The following CENPC variants were observed in gnomAD, a reference collection of about 807,000 sequenced individuals.
The protein encoded by CENPC is centromere protein C, also known as CENP-C 1.
In CENPC, 63 loss-of-function variants were observed where a neutral mutation model predicts 112.1. The observed-to-expected ratio is 0.56, with a 90% confidence interval of 0.46 to 0.69. CENPC has a LOEUF of 0.69. CENPC is among the 30% of genes least tolerant of loss of function. CENPC has a pLI of 0.00. For missense variants in CENPC, 1,000 were observed against 1,103.8 expected (o/e 0.91, Z 1.33); for synonymous variants, 333 against 367.6 (o/e 0.91, Z 1.08).
intron 17 of CENPC, among the ~76,000 whole-genome samples, chr4:67,487,978 TA>T (rs985673825): frequency 3.3e-5 from 5 of 151,462 alleles, no homozygotes; most frequent in African/African-American, 4.9e-5. Flanking sequence ...CGAGTCTTAT[TA>T]AAAAAAACTT....
chr4:67,521,344 G>A (rs548865119), intron 5 of CENPC, among the ~76,000 whole-genome samples: 71 of 151,638 alleles, frequency 4.7e-4, no homozygotes, highest in Non-Finnish European at 9.0e-4. Context: ...TGTAACAAAT[G>A]AAAAAGAAAC....
chr4:67,500,824 T>C (rs1725572445), intron 12 of CENPC, among the ~76,000 whole-genome samples: 1 of 152,160 alleles, frequency 6.6e-6, no homozygotes, highest in Admixed American at 6.5e-5. Context: ...GGTACCATCA[T>C]TAGTGGCTGA....
chr4:67,469,557 C>G lies in CENPC; in HGVS notation c.*3048G>C. 6.6e-6 allele frequency: 1 copy of G among 152,454 alleles called. No homozygotes were observed. The highest frequency in any genetic ancestry group is 1.5e-5 in the Non-Finnish European group (1 of 68,160). The allele number at this position is 152,454 out of a possible 1,614,324, so 9.4% of individuals were successfully genotyped here. ...ACGGGGTTTCACCATGTTAGCCAGGCTGGTCTCGAACTCCTGACCTCATGA... is the reference window on the plus strand; with the variant it reads ...ACGGGGTTTCACCATGTTAGCCAGGGTGGTCTCGAACTCCTGACCTCATGA... On this transcript the variant is annotated 3_prime_UTR_variant, in exon 19 of 19. Transcript: ENST00000273853.
Position 67,505,136 on chromosome 4 carries a change from AACATAGC to A in CENPC, c.2131+62_2131+68del, listed in dbSNP as rs1464505269. 88 of 1,114,562 alleles carry A rather than the reference AACATAGC, an allele frequency of 7.9e-5. 1 individual carries two copies. The highest frequency in any genetic ancestry group is 1.1e-4 in the Non-Finnish European group (84 of 767,514). 69.0% of individuals were successfully genotyped at this position (1,114,562 alleles called of 1,614,324 possible). A position where few individuals can be genotyped will look rare whatever the true frequency, so the allele number is the denominator to read the frequency against. ...TCGCCATCAGTGACAATGTAAACAA[AACATAGC>A]ACTCCTTACTCCATATTCATAATGC... On this transcript the variant is annotated intron_variant, in intron 12 of 18. Transcript: ENST00000273853.
At chr4:67,521,180 C>T (rs1030540316) in intron 5 of CENPC, among the ~76,000 whole-genome samples, 2 of 140,210 alleles carry the variant, frequency 1.4e-5, no homozygotes, top group African/African-American at 5.3e-5. Flanking sequence ...CAAAACAACT[C>T]GTCATACCAA....
Position 67,541,041 on chromosome 4 carries a change from G to A in CENPC, c.75C>T (p.Asp25=). 1.2e-6 allele frequency: 2 copies of A among 1,606,402 alleles called. No individual in the cohort carries two copies. The highest frequency in any genetic ancestry group is 1.7e-6 in the Non-Finnish European group (2 of 1,176,170). The change falls in exon 3 of 19, where the codon GAC becomes GAT. Residue 25 remains aspartate, a synonymous_variant. Coordinates refer to ENST00000273853, the MANE Select transcript of CENPC (RefSeq NM_001812.4). ...CATTCTGGCCTTGCTCTGTGTTAAT[G>A]TCACGTGCCCTAATAAAGGAAAAAT... ...RRFCRPSRAR[D]INTEQGQNVL... is the part of the protein sequence containing the mutation.
intron 13 of CENPC, 133 bp downstream of exon 13, chr4:67,495,026 T>G: frequency 1.1e-6 from 1 of 897,574 alleles, no homozygotes; most frequent in Non-Finnish European, 1.6e-6. Flanking sequence ...ACTAAGTGCA[T>G]AATTTTAATT....
In CENPC at chr4:67,545,376, G is replaced by C. The variant is rs1057077871; in HGVS notation, c.-21C>G. 2 of 1,521,690 alleles carry C rather than the reference G, an allele frequency of 1.3e-6. No homozygotes were observed. The highest frequency in any genetic ancestry group is 1.8e-6 in the Non-Finnish European group (2 of 1,131,156). The allele number at this position is 1,521,690 out of a possible 1,614,324, so 94.3% of individuals were successfully genotyped here. On this transcript the variant is annotated 5_prime_UTR_variant, in exon 1 of 19. Coordinates refer to ENST00000273853, the MANE Select transcript of CENPC (RefSeq NM_001812.4). ...GCCATGTTCCGGCCCCGCTGAGCCAGCGCAACTGTCTGAGGTGGAAGCCCA... is the reference window on the plus strand; with the variant it reads ...GCCATGTTCCGGCCCCGCTGAGCCACCGCAACTGTCTGAGGTGGAAGCCCA...
chr4:67,483,695 C>T (rs1317731009), intron 17 of CENPC, among the ~76,000 whole-genome samples: 1 of 151,828 alleles, frequency 6.6e-6, no homozygotes, highest in African/African-American at 2.4e-5. Context: ...TGTGGTAGTG[C>T]AAGACAGTGA....
intron 5 of CENPC, 71 bp downstream of exon 5, chr4:67,530,744 A>G (rs1726523374): frequency 1.5e-6 from 1 of 683,746 alleles, no homozygotes; most frequent in Non-Finnish European, 2.4e-6. Context: ...TCAAAGCAAC[A>G]CATGCACCAT....
chr4:67,484,155 T>C (rs1725025686), intron 17 of CENPC, among the ~76,000 whole-genome samples: 1 of 152,188 alleles, frequency 6.6e-6, no homozygotes, highest in African/African-American at 2.4e-5. Flanking sequence ...ACATTTTTAT[T>C]GTACTTTTTC....
rs1196892273 is a variant in CENPC, at chr4:67,512,561, T to C, written c.1453A>G (p.Lys485Glu). The change falls in exon 9 of 19, where the codon AAA (lysine) becomes GAA (glutamate). Residue 485 changes from lysine to glutamate, a missense_variant. Physicochemically the swap from Lys to Glu is moderately conservative, Grantham distance 56. Transcript: ENST00000273853. ...KKQMPPVGSK[K>E]SSTRKDKEES... is the part of the protein sequence containing the mutation. ...TCCTTATCTTTTCTAGTGCTACTTT[T>C]CTTGCTTCCTAAAATAAAGAAAACC... 22 of 1,512,066 alleles carry C rather than the reference T, an allele frequency of 1.5e-5. No homozygotes were observed. The highest frequency in any genetic ancestry group is 1.9e-5 in the Non-Finnish European group (22 of 1,135,182). The allele number at this position is 1,512,066 out of a possible 1,614,324, so 93.7% of individuals were successfully genotyped here. A position where few individuals can be genotyped will look rare whatever the true frequency, so the allele number is the denominator to read the frequency against.
chr4:67,490,858 AT>A lies in CENPC; in HGVS notation c.2516-738del, dbSNP rs1560422721. On this transcript the variant is annotated intron_variant, in intron 16 of 18. Coordinates refer to ENST00000273853, the MANE Select transcript of CENPC (RefSeq NM_001812.4). ...AATAAATATATATATATATATATAT[AT>A]ATATATATATATATATATAGAAATA... 7.0e-3 allele frequency among the ~76,000 whole-genome samples: 135 copies of A among 19,154 alleles called. 2 individuals carry two copies. Among genetic ancestry groups the A allele is most frequent in the African/African-American group, 0.014 (124 of 9,088 alleles). The allele number at this position is 19,154 out of a possible 152,430, so 12.6% of individuals were successfully genotyped here.
At chr4:67,542,617 T>C (rs1331117406) in intron 2 of CENPC, among the ~76,000 whole-genome samples, 1 of 152,182 alleles carries the variant, frequency 6.6e-6, no homozygotes, top group African/African-American at 2.4e-5. Context: ...AATTCTGATG[T>C]GCAAATCTAG....
In CENPC at chr4:67,477,331, T is replaced by C. The variant is rs142883731; in HGVS notation, c.2671-2353A>G. On this transcript the variant is annotated intron_variant, in intron 17 of 18. Transcript: ENST00000273853. ...CCCCTGCTACCTCCACTGGAGCAGCTGCTGAGATCCATGGCTGAGAGACCT... is the reference window on the plus strand; with the variant it reads ...CCCCTGCTACCTCCACTGGAGCAGCCGCTGAGATCCATGGCTGAGAGACCT... Among the ~76,000 whole-genome samples, 7 of 152,334 alleles carry C rather than the reference T, an allele frequency of 4.6e-5. 1 individual carries two copies. The East Asian group carries it at 7.7e-4, about 17-fold the overall frequency.
At chr4:67,486,957 T>A (rs1402434033) in intron 17 of CENPC, among the ~76,000 whole-genome samples, 5 of 145,068 alleles carry the variant, frequency 3.4e-5, no homozygotes, top group African/African-American at 5.1e-5. Flanking sequence ...AGGTTTTGTA[T>A]TTGCTTTTAG....
intron 17 of CENPC, among the ~76,000 whole-genome samples, chr4:67,485,789 G>C (rs904930707): frequency 2.0e-5 from 3 of 152,108 alleles, no homozygotes; most frequent in Non-Finnish European, 2.9e-5. Context: ...TTCACTTAAT[G>C]TATATGCCCA....
intron 9 of CENPC, chr4:67,512,199 A>T (rs1316454825): frequency 2.4e-6 from 1 of 410,238 alleles, no homozygotes; most frequent in East Asian, 4.2e-5. Context: ...TTGTTTTCCC[A>T]CAGCTATTAT....
intron 5 of CENPC, among the ~76,000 whole-genome samples, chr4:67,524,236 T>C (rs757378679): frequency 2.6e-5 from 4 of 151,978 alleles, no homozygotes; most frequent in Non-Finnish European, 5.9e-5. Context: ...CCACCAAAAA[T>C]AGGGTAATGC....
Sources: gnomAD v4.1 joint callset for allele counts (sites outside exome capture counted in the v4.1 genomes callset) on GRCh38, gnomAD v4.1.1 for gene constraint, MANE v1.5 for transcripts, NCBI Gene and HGNC (gene_info 2026-07-23, HGNC 2026-07-21) for gene names.